KCNN1: variants seen among roughly 807,000 people sequenced by gnomAD.
KCNN1 encodes potassium calcium-activated channel subfamily N member 1.
Under a neutral mutation model 44.7 loss-of-function variants are expected in KCNN1, and 20 were observed. The observed-to-expected ratio is 0.45, with a 90% CI of 0.32 to 0.65. The LOEUF (loss-of-function observed/expected upper bound fraction) is 0.65. Among genes scored for constraint, KCNN1 ranks in the 30% least tolerant of loss-of-function variants. The pLI, the probability that KCNN1 is intolerant of heterozygous loss-of-function variation, is 0.05. For synonymous variants in KCNN1, 324 were observed against 341.7 expected (o/e 0.95, Z 0.57); for missense variants, 632 against 785.3 (o/e 0.80, Z 2.33).
chr19:17,967,157 TGCCGCCGCCGCCCCCGGCCCC>T lies in KCNN1; in HGVS notation c.-235_-215del. On this transcript the variant is annotated 5_prime_UTR_variant, in exon 1 of 10. Coordinates refer to ENST00000684775, the MANE Select transcript of KCNN1 (RefSeq NM_001386974.1). ...TGGACTGGGCGGCGGGGGATGCGCCTGCCGCCGCCGCCCCCGGCCCCGCCGCCCCCGGGCCCCGCGCCCGCT... is the reference window on the plus strand; with the variant it reads ...TGGACTGGGCGGCGGGGGATGCGCCTGCCGCCCCCGGGCCCCGCGCCCGCT... 2 of 957,982 alleles carry T rather than the reference TGCCGCCGCCGCCCCCGGCCCC, an allele frequency of 2.1e-6. No homozygotes were observed. The highest frequency in any genetic ancestry group is 4.7e-5 in the South Asian group (1 of 21,494). The allele number at this position is 957,982 out of a possible 1,614,324, so 59.3% of individuals were successfully genotyped here.
At chr19:17,978,661 C>T (rs2032292401) in intron 3 of KCNN1, among the ~76,000 whole-genome samples, 1 of 151,242 alleles carries the variant, frequency 6.6e-6, no homozygotes, top group Non-Finnish European at 1.5e-5. Flanking sequence ...CTATGTTGCC[C>T]AGGCTGGTCT....
At chr19:17,970,717 C>T (rs779981565) in intron 1 of KCNN1, among the ~76,000 whole-genome samples, 3 of 151,896 alleles carry the variant, frequency 2.0e-5, no homozygotes, top group African/African-American at 2.4e-5. Flanking sequence ...TGAGCTACCG[C>T]GCCCGGCCAC....
chr19:17,998,340 C>G lies in KCNN1; in HGVS notation c.1566C>G (p.Pro522=), dbSNP rs1374859365. ...PPLPPRPGPG[P]QDQAARSSPC... is the part of the protein sequence containing the mutation. ...TGCCTCCCAGGCCCGGCCCCGGCCCCCAAGACCAGGCAGCCCGGAGCTCCC... is the reference window on the plus strand; with the variant it reads ...TGCCTCCCAGGCCCGGCCCCGGCCCGCAAGACCAGGCAGCCCGGAGCTCCC... The change falls in exon 10 of 10, where the codon CCC becomes CCG. Residue 522 remains proline (P), a synonymous_variant. Transcript: ENST00000684775. This position sits in a 1 kb window ranked among gnomAD's most constrained non-coding sequence, Gnocchi z 5.4. The G allele has an allele frequency of 6.5e-7, 1 of 1,531,024 alleles. No homozygotes were observed. The highest frequency in any genetic ancestry group is 8.7e-7 in the Non-Finnish European group (1 of 1,144,352). 94.8% of individuals were successfully genotyped at this position (1,531,024 alleles called of 1,614,324 possible). A position where few individuals can be genotyped will look rare whatever the true frequency, so the allele number is the denominator to read the frequency against.
intron 9 of KCNN1, among the ~76,000 whole-genome samples, chr19:17,995,391 C>G (rs1004585254): frequency 2.0e-5 from 3 of 151,676 alleles, no homozygotes; most frequent in Admixed American, 1.3e-4. Context: ...CCAGGCTGGT[C>G]TCAAACTCCT....
chr19:17,999,810 C>G lies in KCNN1; in HGVS notation c.*1404C>G, dbSNP rs964909431. 2.5e-5 allele frequency: 9 copies of G among 357,390 alleles called. No individual in the cohort carries two copies. The highest frequency in any genetic ancestry group is 5.1e-5 in the Non-Finnish European group (9 of 176,646). The allele number at this position is 357,390 out of a possible 1,614,324, so 22.1% of individuals were successfully genotyped here. A position where few individuals can be genotyped will look rare whatever the true frequency, so the allele number is the denominator to read the frequency against. On this transcript the variant is annotated 3_prime_UTR_variant, in exon 10 of 10. Coordinates refer to ENST00000684775, the MANE Select transcript of KCNN1 (RefSeq NM_001386974.1). ...AGCCTCTGATAAGGCCATCCATCGC[C>G]TGGCTCAACGAGATAACTAGGCCGT...
chr19:17,964,762 TC>T (rs1254011661), upstream of KCNN1, among the ~76,000 whole-genome samples: 3 of 152,160 alleles, frequency 2.0e-5, no homozygotes, highest in Admixed American at 6.6e-5. This position sits in a 1 kb window ranked among gnomAD's most constrained non-coding sequence, Gnocchi z 4.3. Flanking sequence ...AGGCCGTTGA[TC>T]ACCAGATTGA....
At chr19:17,969,484 C>T (rs541080722) in intron 1 of KCNN1, among the ~76,000 whole-genome samples, 3 of 152,198 alleles carry the variant, frequency 2.0e-5, no homozygotes, top group East Asian at 1.9e-4. Context: ...TGGTGGGTGC[C>T]GGGAAAGCCC....
At chr19:17,975,303 G>A (rs2032170269) in intron 3 of KCNN1, 116 bp downstream of exon 3, 4 of 677,950 alleles carry the variant, frequency 5.9e-6, no homozygotes, top group Non-Finnish European at 1.0e-5. Context: ...ATTGGCTTCT[G>A]ATAGAAAAAA....
chr19:17,952,974 G>C (rs73024608), intron 1 of KCNN1, among the ~76,000 whole-genome samples: 29,989 of 152,126 alleles, frequency 0.2, 3,187 homozygotes, highest in East Asian at 0.39. Flanking sequence ...ACCCAGCTGG[G>C]GAGGTCAGCT....
At chr19:17,987,070 G>A (rs1172984247) in intron 5 of KCNN1, among the ~76,000 whole-genome samples, 2 of 150,512 alleles carry the variant, frequency 1.3e-5, no homozygotes, top group East Asian at 3.9e-4. Flanking sequence ...GCCTCCCAAG[G>A]TGCTGGGATT....
intron 9 of KCNN1, among the ~76,000 whole-genome samples, chr19:17,995,014 C>T (rs988842731): frequency 1.3e-5 from 2 of 152,192 alleles, no homozygotes; most frequent in African/African-American, 4.8e-5. Context: ...TATCAGTCAG[C>T]TTGAGGCTAA....
rs1442805884 is a variant in KCNN1 at position 17,998,001 on chromosome 19, TCCTCCCAGCCACC to T, written c.1378-146_1378-134del. 1.3e-6 allele frequency: 1 copy of T among 795,708 alleles called. No homozygotes were observed. The highest frequency in any genetic ancestry group is 1.9e-6 in the Non-Finnish European group (1 of 536,182). 49.3% of individuals were successfully genotyped at this position (795,708 alleles called of 1,614,324 possible). On this transcript the variant is annotated intron_variant, in intron 9 of 9. Coordinates refer to ENST00000684775, the MANE Select transcript of KCNN1 (RefSeq NM_001386974.1). This position sits in a 1 kb window ranked among gnomAD's most constrained non-coding sequence, Gnocchi z 5.4. ...CAAGGGACCTCTGGGGCTGGGGGTA[TCCTCCCAGCCACC>T]CCTCACACGGGCCCCATTAGTGGCT...
At chr19:17,997,901 GAA>G (rs1320495136) in intron 9 of KCNN1, among the ~76,000 whole-genome samples, 29 of 124,018 alleles carry the variant, frequency 2.3e-4, no homozygotes, top group African/African-American at 6.6e-4. Flanking sequence ...CTGTCTCAAA[GAA>G]AAAAAAAAAA....
chr19:17,992,848 G>T (rs914192698), intron 7 of KCNN1, among the ~76,000 whole-genome samples: 5 of 152,194 alleles, frequency 3.3e-5, no homozygotes, highest in Non-Finnish European at 7.3e-5. Context: ...TGAGAGGACA[G>T]GTGTGCCCCT....
chr19:17,974,219 C>G lies in KCNN1; in HGVS notation c.331C>G (p.Leu111Val), dbSNP rs1366729448. 6.2e-7 allele frequency: 1 copy of G among 1,611,956 alleles called. No homozygotes were observed. The highest frequency in any genetic ancestry group is 2.2e-5 in the East Asian group (1 of 44,840). Residue 111 changes from leucine to valine, a missense_variant, in exon 2 of 10, where the codon CTC becomes GTC. Transcript: ENST00000684775. This position sits in a 1 kb window ranked among gnomAD's most constrained non-coding sequence, Gnocchi z 7.3. ...GCGGAAGCGCCTCAGCGACTATGCC[C>G]TCATTTTCGGCATGTTTGGCATCGT... is the stretch of plus-strand genomic sequence containing the variant. ...EKRKRLSDYA[L>V]IFGMFGIVVM...
rs969112490 is a variant in KCNN1, at chr19:17,983,867, G to A, written c.918-1445G>A. On this transcript the variant is annotated intron_variant, in intron 4 of 9. Transcript: ENST00000684775. The surrounding 1 kb of genome is among the most constrained non-coding windows in gnomAD (Gnocchi z 4.5). ...GCTCAGATGTTTTGGTGTAAGATGGGGGTCAGTCAGCTGGGCACCGTGGCT... is the reference window on the plus strand; with the variant it reads ...GCTCAGATGTTTTGGTGTAAGATGGAGGTCAGTCAGCTGGGCACCGTGGCT... Among the ~76,000 whole-genome samples, 2 of 151,962 alleles carry A rather than the reference G, an allele frequency of 1.3e-5. No homozygotes were observed. The highest frequency in any genetic ancestry group is 2.9e-5 in the Non-Finnish European group (2 of 67,984).
In KCNN1 at chr19:17,967,176, C is replaced by A; in HGVS notation, c.-223C>A. 1.1e-6 allele frequency: 1 copy of A among 944,994 alleles called. No individual in the cohort carries two copies. Among genetic ancestry groups the A allele is most frequent in the Non-Finnish European group, 1.3e-6 (1 of 795,318 alleles). 58.5% of individuals were successfully genotyped at this position (944,994 alleles called of 1,614,324 possible). A position where few individuals can be genotyped will look rare whatever the true frequency, so the allele number is the denominator to read the frequency against. On this transcript the variant is annotated 5_prime_UTR_variant, in exon 1 of 10. Coordinates refer to ENST00000684775, the MANE Select transcript of KCNN1 (RefSeq NM_001386974.1). ...TGCGCCTGCCGCCGCCGCCCCCGGCCCCGCCGCCCCCGGGCCCCGCGCCCG... is the reference window on the plus strand; with the variant it reads ...TGCGCCTGCCGCCGCCGCCCCCGGCACCGCCGCCCCCGGGCCCCGCGCCCG...
upstream of KCNN1, among the ~76,000 whole-genome samples, chr19:17,963,040 C>CT: frequency 8.2e-6 from 1 of 122,214 alleles, no homozygotes; most frequent in Non-Finnish European, 1.6e-5. Flanking sequence ...GAGTCTTGCT[C>CT]TGTCAAGCCC....
chr19:17,975,138 C>A lies in KCNN1; in HGVS notation c.449C>A (p.Thr150Lys). Residue 150 changes from threonine to lysine, a missense_variant, in exon 3 of 10, where the codon ACG (threonine) becomes AAG (lysine). Coordinates refer to ENST00000684775, the MANE Select transcript of KCNN1 (RefSeq NM_001386974.1). ...CTCAAATGCCTCATCAGCCTCTCCA[C>A]GGCCATCCTGCTGGGTCTCGTTGTC... Reference protein sequence around the residue: ...FALKCLISLSTAILLGLVVLY... With the variant: ...FALKCLISLSKAILLGLVVLY... 1 of 1,613,724 alleles carries A rather than the reference C, an allele frequency of 6.2e-7. No homozygotes were observed. The highest frequency in any genetic ancestry group is 1.1e-5 in the South Asian group (1 of 91,056).
Sources: allele counts gnomAD v4.1 joint callset (sites outside exome capture counted in the v4.1 genomes callset), GRCh38; gene constraint gnomAD v4.1.1; non-coding constraint Gnocchi (gnomAD v3.1); transcripts MANE v1.5; gene names NCBI Gene and HGNC (gene_info 2026-07-23, HGNC 2026-07-21).